FBXL7: variants seen among roughly 807,000 people sequenced by gnomAD.
FBXL7 encodes F-box/LRR-repeat protein 7.
FBXL7 carries 12 observed loss-of-function variants against 38.3 expected under a neutral mutation model. That is an observed-to-expected ratio of 0.31 (90% CI 0.20 to 0.51). The LOEUF (loss-of-function observed/expected upper bound fraction) is 0.51. FBXL7 is among the 20% of genes least tolerant of loss of function. The pLI, the probability that FBXL7 is intolerant of heterozygous loss-of-function variation, is 0.98. For synonymous variants in FBXL7, 297 were observed against 300.9 expected (o/e 0.99, Z 0.13); for missense variants, 567 against 676.4 (o/e 0.84, Z 1.79).
intron 2 of FBXL7, among the ~76,000 whole-genome samples, chr5:15,807,459 G>GAGAAGCC (rs1451085644): frequency 6.6e-6 from 1 of 152,138 alleles, no homozygotes; most frequent in African/African-American, 2.4e-5. Context: ...AGAGCTTGTG[G>GAGAAGCC]AGAAGCCAGA....
chr5:15,608,102 ATTTAT>A (rs1462437748), intron 1 of FBXL7, among the ~76,000 whole-genome samples: 13 of 152,078 alleles, frequency 8.5e-5, no homozygotes, highest in South Asian at 2.1e-4. Context: ...CATATATAAT[ATTTAT>A]TTTATCATTT....
rs773749368 is a variant in FBXL7 at position 15,938,641 on chromosome 5, A to C, written c.*1455A>C. 8 of 190,316 alleles carry C rather than the reference A, an allele frequency of 4.2e-5. No individual in the cohort carries two copies. Among genetic ancestry groups the C allele is most frequent in the Non-Finnish European group, 8.5e-5 (8 of 93,668 alleles). 11.8% of individuals were successfully genotyped at this position (190,316 alleles called of 1,614,324 possible). The stretch of plus-strand genomic sequence containing the variant: ...TCTGTTCACTCAACAATGCCAGATG[A>C]ATGGAAGAGGGAACACACTGAGATG... On this transcript the variant is annotated 3_prime_UTR_variant, in exon 4 of 4. Transcript: ENST00000504595.
intron 2 of FBXL7, among the ~76,000 whole-genome samples, chr5:15,892,614 A>G (rs1169155948): frequency 1.3e-5 from 2 of 152,202 alleles, no homozygotes; most frequent in East Asian, 3.9e-4. Context: ...GTATTATATC[A>G]TATCCTCATT....
intron 1 of FBXL7, among the ~76,000 whole-genome samples, chr5:15,572,463 A>C (rs1215990404): frequency 2.0e-5 from 3 of 151,894 alleles, no homozygotes; most frequent in African/African-American, 7.3e-5. Flanking sequence ...ACTGGCCGAA[A>C]GGTGTACTGC....
intron 1 of FBXL7, among the ~76,000 whole-genome samples, chr5:15,592,759 T>C (rs1739521030): frequency 6.6e-6 from 1 of 152,200 alleles, no homozygotes; most frequent in African/African-American, 2.4e-5. Flanking sequence ...AAAATTATGC[T>C]CCTAACCTTT....
At chr5:15,842,615 C>A (rs979685555) in intron 2 of FBXL7, among the ~76,000 whole-genome samples, 1 of 152,152 alleles carries the variant, frequency 6.6e-6, no homozygotes, top group African/African-American at 2.4e-5. Flanking sequence ...TCACCTTGAA[C>A]TGTAATAATG....
At chr5:15,878,037 A>G (rs1167100321) in intron 2 of FBXL7, among the ~76,000 whole-genome samples, 1 of 152,200 alleles carries the variant, frequency 6.6e-6, no homozygotes, top group East Asian at 1.9e-4. Context: ...GCTTAGCTAC[A>G]AATGCAGACC....
At chr5:15,744,505 C>T (rs2126678344) in intron 2 of FBXL7, among the ~76,000 whole-genome samples, 1 of 152,308 alleles carries the variant, frequency 6.6e-6, no homozygotes, top group Non-Finnish European at 1.5e-5. Context: ...TAGGAAGTTT[C>T]AAACTTTCCC....
chr5:15,529,162 C>A lies in FBXL7; in HGVS notation c.37+28449C>A, dbSNP rs76015432. The stretch of plus-strand genomic sequence containing the variant: ...TCTAGATTCCACATGTAAGTGAGAT[C>A]ATGCAATATTTGTCTTTATGTGCCT... On this transcript the variant is annotated intron_variant, in intron 1 of 3. Coordinates refer to ENST00000504595, the MANE Select transcript of FBXL7 (RefSeq NM_012304.5). Among the ~76,000 whole-genome samples the A allele has an allele frequency of 8.9e-3, 1,358 of 152,296 alleles. 18 individuals carry two copies. Among genetic ancestry groups the A allele is most frequent in the African/African-American group, 0.03 (1,259 of 41,562 alleles).
In FBXL7 at chr5:15,936,483, G is replaced by T. The variant is rs189208873; in HGVS notation, c.773G>T (p.Arg258Leu). 13 of 1,613,138 alleles carry T rather than the reference G, an allele frequency of 8.1e-6. No individual in the cohort carries two copies. Among genetic ancestry groups the T allele is most frequent in the Admixed American group, 1.7e-5 (1 of 60,002 alleles). Residue 258 changes from arginine (R) to leucine (L), a missense_variant, in exon 4 of 4, where the codon CGG (arginine) becomes CTG (leucine). Physicochemically the swap from Arg to Leu is moderately radical, Grantham distance 102. Coordinates refer to ENST00000504595, the MANE Select transcript of FBXL7 (RefSeq NM_012304.5). This position sits in a 1 kb window ranked among gnomAD's most constrained non-coding sequence, Gnocchi z 6.0. ...AAAGTGACCTGCATCAGCTTGACCC[G>T]GGAGGCCTCCATTAAACTGTCACCC... ...CSKVTCISLT[R>L]EASIKLSPLH...
At chr5:15,800,651 AAC>A (rs566309513) in intron 2 of FBXL7, among the ~76,000 whole-genome samples, 67 of 152,328 alleles carry the variant, frequency 4.4e-4, no homozygotes, top group Middle Eastern at 3.4e-3. Flanking sequence ...AATAAGGTGA[AAC>A]ATATCACCAT....
chr5:15,927,981 G>C lies in FBXL7; in HGVS notation c.219G>C (p.Ser73=), dbSNP rs1311353834. ...NLPGFQNGRG[S]STSSSSITGE... ...CAGGATTTCAGAATGGAAGGGGCTC[G>C]TCCACCTCCTCGTCCTCCATCACCG... Residue 73 remains serine, a synonymous_variant, in exon 3 of 4, where the codon TCG becomes TCC. Transcript: ENST00000504595. 2 of 1,592,242 alleles carry C rather than the reference G, an allele frequency of 1.3e-6. No homozygotes were observed. Among genetic ancestry groups the C allele is most frequent in the South Asian group, 1.1e-5 (1 of 87,264 alleles).
intron 2 of FBXL7, among the ~76,000 whole-genome samples, chr5:15,713,437 C>A (rs373827925): frequency 6.6e-6 from 1 of 152,120 alleles, no homozygotes; most frequent in Admixed American, 6.5e-5. Context: ...TTATGCTTCT[C>A]CTTTGACCCC....
intron 2 of FBXL7, among the ~76,000 whole-genome samples, chr5:15,626,146 T>C (rs1327857776): frequency 6.6e-6 from 1 of 152,036 alleles, no homozygotes; most frequent in Non-Finnish European, 1.5e-5. Context: ...TTTGCAAGAC[T>C]TTAGCCTTTG....
chr5:15,505,660 G>A (rs1736623168), intron 1 of FBXL7, among the ~76,000 whole-genome samples: 2 of 152,086 alleles, frequency 1.3e-5, no homozygotes, highest in South Asian at 4.1e-4. Context: ...AAGATGATTG[G>A]GAATATGGGC....
At chr5:15,809,300 T>C (rs1737793323) in intron 2 of FBXL7, among the ~76,000 whole-genome samples, 1 of 152,118 alleles carries the variant, frequency 6.6e-6, no homozygotes, top group South Asian at 2.1e-4. Context: ...CCTTCAGGGG[T>C]TACCATTCCA....
intron 2 of FBXL7, among the ~76,000 whole-genome samples, chr5:15,878,324 AAC>A (rs767368003): frequency 2.6e-5 from 4 of 152,212 alleles, no homozygotes; most frequent in Non-Finnish European, 5.9e-5. Context: ...TACATACTGA[AAC>A]ACACAATAAA....
At chr5:15,616,750 G>C (rs1379037315) in intron 2 of FBXL7, among the ~76,000 whole-genome samples, 2 of 152,196 alleles carry the variant, frequency 1.3e-5, no homozygotes, top group African/African-American at 4.8e-5. Flanking sequence ...GTGGAAAGTT[G>C]ACCCAATTAT....
chr5:15,867,839 C>A (rs541501096), intron 2 of FBXL7, among the ~76,000 whole-genome samples: 1 of 152,262 alleles, frequency 6.6e-6, no homozygotes, highest in South Asian at 2.1e-4. Flanking sequence ...GGTGCAGTGG[C>A]TCATGCCTGT....
Sources: gnomAD v4.1 joint callset for allele counts (sites outside exome capture counted in the v4.1 genomes callset) on GRCh38, gnomAD v4.1.1 for gene constraint, Gnocchi (gnomAD v3.1) non-coding constraint, MANE v1.5 for transcripts, NCBI Gene and HGNC (gene_info 2026-07-23, HGNC 2026-07-21) for gene names.